Variants in ANKRD55 observed in about 807,000 individuals in gnomAD.
ANKRD55 encodes ankyrin repeat domain-containing protein 55.
Under a neutral mutation model 60.6 loss-of-function variants are expected in ANKRD55, and 41 were observed. The ratio of observed to expected loss-of-function variants is 0.68; its 90% CI spans 0.53 to 0.88. ANKRD55 has a LOEUF of 0.88. Ranked by LOEUF, ANKRD55 falls within the 40% of genes least tolerant of loss-of-function variation. ANKRD55 has a pLI of 0.00. For synonymous variants in ANKRD55, 264 were observed against 290.3 expected (o/e 0.91, Z 0.92); for missense variants, 732 against 767.6 (o/e 0.95, Z 0.55).
At chr5:56,132,223 A>G (rs1311907415) in intron 7 of ANKRD55, among the ~76,000 whole-genome samples, 1 of 152,082 alleles carries the variant, frequency 6.6e-6, no homozygotes, top group African/African-American at 2.4e-5. Flanking sequence ...ATCACTAAAA[A>G]AGTAAAAAAG....
chr5:56,148,569 T>G (rs1266037284), intron 6 of ANKRD55, among the ~76,000 whole-genome samples: 2 of 152,162 alleles, frequency 1.3e-5, no homozygotes, highest in Non-Finnish European at 2.9e-5. Context: ...AACAGTGTCT[T>G]GTGTTGATGA....
At chr5:56,208,363 T>C (rs1759565998) in intron 2 of ANKRD55, among the ~76,000 whole-genome samples, 1 of 152,132 alleles carries the variant, frequency 6.6e-6, no homozygotes, top group Non-Finnish European at 1.5e-5. Flanking sequence ...CATAGATCAC[T>C]ATAAAGTATT....
intron 8 of ANKRD55, among the ~76,000 whole-genome samples, chr5:56,125,971 T>C (rs1453270215): frequency 6.6e-6 from 1 of 151,786 alleles, no homozygotes; most frequent in Non-Finnish European, 1.5e-5. Flanking sequence ...CTGTCTCTAA[T>C]AAAAATACAA....
intron 5 of ANKRD55, among the ~76,000 whole-genome samples, chr5:56,168,207 G>A (rs1297992296): frequency 2.0e-5 from 3 of 152,214 alleles, no homozygotes; most frequent in Non-Finnish European, 4.4e-5. Context: ...ACTGAGTGTG[G>A]CTTCTCTATA....
In ANKRD55 at chr5:56,143,531, A is replaced by C. The variant is rs1161983099; in HGVS notation, c.612+270T>G. Among the ~76,000 whole-genome samples the C allele has an allele frequency of 3.3e-5, 5 of 152,328 alleles. No individual in the cohort carries two copies. The East Asian group carries it at 9.6e-4, about 29-fold the overall frequency. ...ATTCTTTGAAGGTTTACTCTGGGAC[A>C]CAGTAAGCCGGTAGCAAACATTGAG... On this transcript the variant is annotated intron_variant, in intron 7 of 11. Coordinates refer to ENST00000341048, the MANE Select transcript of ANKRD55 (RefSeq NM_024669.3).
At chr5:56,144,066 A>G in intron 6 of ANKRD55, 137 bp from the exon 7 acceptor site, 3 of 1,125,858 alleles carry the variant, frequency 2.7e-6, no homozygotes, top group Non-Finnish European at 1.3e-6. Context: ...TCATTCATTC[A>G]TTAATCCATT....
rs756429665 is a variant in ANKRD55 at position 56,142,259 on chromosome 5, G to A, written c.612+1542C>T. Among the ~76,000 whole-genome samples the A allele has an allele frequency of 7.9e-5, 12 of 152,054 alleles. No individual in the cohort carries two copies. The South Asian group carries it at 1.9e-3, about 24-fold the overall frequency. ...AGGAGAATTGCTTGAACCAGGACCC[G>A]GGAGGTGGAGGTTGCAGTGAGCTGA... On this transcript the variant is annotated intron_variant, in intron 7 of 11. Transcript: ENST00000341048.
chr5:56,111,068 A>G (rs1179215861), intron 10 of ANKRD55, 50 bp downstream of exon 10: 27 of 1,568,794 alleles, frequency 1.7e-5, no homozygotes, highest in Non-Finnish European at 2.3e-5. Context: ...TGTACGGGAC[A>G]TTTCCAGTAT....
intron 10 of ANKRD55, among the ~76,000 whole-genome samples, chr5:56,103,411 C>A (rs372660567): frequency 6.6e-6 from 1 of 152,084 alleles, no homozygotes; most frequent in Non-Finnish European, 1.5e-5. Context: ...CTTTAAGATA[C>A]GGATGTTCGA....
At chr5:56,162,240 C>A (rs999755936) in intron 5 of ANKRD55, among the ~76,000 whole-genome samples, 2 of 152,160 alleles carry the variant, frequency 1.3e-5, no homozygotes, top group Non-Finnish European at 1.5e-5. Flanking sequence ...CTTGTCATAT[C>A]CTGGGTGGCC....
chr5:56,192,125 CTCTCTCTCTT>C (rs1302549407), intron 2 of ANKRD55, among the ~76,000 whole-genome samples: 1 of 152,320 alleles, frequency 6.6e-6, no homozygotes, highest in East Asian at 1.9e-4. Flanking sequence ...TCCTCTCTCT[CTCTCTCTCTT>C]TCTCATCTAT....
At chr5:56,198,487 G>A (rs1472935011) in intron 2 of ANKRD55, among the ~76,000 whole-genome samples, 1 of 151,882 alleles carries the variant, frequency 6.6e-6, no homozygotes, top group African/African-American at 2.4e-5. Flanking sequence ...GTTTCACCAT[G>A]TTGGTCAGGC....
rs139527333 is a variant in ANKRD55 at position 56,116,253 on chromosome 5, G to C, written c.965+362C>G. On this transcript the variant is annotated intron_variant, in intron 9 of 11. Transcript: ENST00000341048. ...TTAATAATTTTTGAGAGTGTAAAAG[G>C]GTCCCGAGAACGAAAGTTTGAGACT... Among the ~76,000 whole-genome samples the C allele has an allele frequency of 2.2e-3, 342 of 152,148 alleles. 1 individual carries two copies. The highest frequency in any genetic ancestry group is 7.7e-3 in the African/African-American group (318 of 41,518).
At chr5:56,142,888 C>A (rs1757806834) in intron 7 of ANKRD55, among the ~76,000 whole-genome samples, 1 of 152,220 alleles carries the variant, frequency 6.6e-6, no homozygotes, top group South Asian at 2.1e-4. Flanking sequence ...TGCAGAGAAA[C>A]TGAAGCCAAG....
At chr5:56,122,390 T>C (rs908398032) in intron 8 of ANKRD55, among the ~76,000 whole-genome samples, 1 of 151,958 alleles carries the variant, frequency 6.6e-6, no homozygotes. Flanking sequence ...GTGGCTAACA[T>C]CTAGAATCCC....
At chr5:56,186,343 T>C (rs1758972992) in intron 2 of ANKRD55, among the ~76,000 whole-genome samples, 2 of 152,158 alleles carry the variant, frequency 1.3e-5, no homozygotes, top group African/African-American at 4.8e-5. Flanking sequence ...AATTTTTGTA[T>C]TTTTTGTAGA....
chr5:56,168,520 T>C (rs1758537182), intron 5 of ANKRD55, among the ~76,000 whole-genome samples: 1 of 152,242 alleles, frequency 6.6e-6, no homozygotes, highest in Non-Finnish European at 1.5e-5. Context: ...CATATTGTTA[T>C]AATTGTTCTA....
chr5:56,111,719 G>C lies in ANKRD55; in HGVS notation c.1029C>G (p.Phe343Leu). Reference sequence around the variant, plus strand: ...TGCAGAATATTTGGTTGAGCACGTTGAACCGTCTCTCCTTCTTCTGGGGCC... The same window carrying C: ...TGCAGAATATTTGGTTGAGCACGTTCAACCGTCTCTCCTTCTTCTGGGGCC... The part of the protein sequence containing the change: ...SSRPQKKERR[F>L]NVLNQIFCKN... Residue 343 changes from phenylalanine to leucine, a missense_variant, in exon 10 of 12, where the codon TTC becomes TTG. Phe to Leu is a conservative substitution (Grantham distance 22, BLOSUM62 0). Coordinates refer to ENST00000341048, the MANE Select transcript of ANKRD55 (RefSeq NM_024669.3). The C allele has an allele frequency of 6.6e-7, 1 of 1,519,062 alleles. No individual in the cohort carries two copies. Among genetic ancestry groups the C allele is most frequent in the African/African-American group, 1.4e-5 (1 of 71,766 alleles). The allele number at this position is 1,519,062 out of a possible 1,614,324, so 94.1% of individuals were successfully genotyped here.
At chr5:56,198,559 A>T (rs1267606074) in intron 2 of ANKRD55, among the ~76,000 whole-genome samples, 1 of 152,052 alleles carries the variant, frequency 6.6e-6, no homozygotes, top group African/African-American at 2.4e-5. Flanking sequence ...TGCTGGGATT[A>T]TAGGCGTGAG....
Sources: gnomAD v4.1 joint callset for allele counts (sites outside exome capture counted in the v4.1 genomes callset) on GRCh38, gnomAD v4.1.1 for gene constraint, MANE v1.5 for transcripts, NCBI Gene and HGNC (gene_info 2026-07-23, HGNC 2026-07-21) for gene names.